EPHA6: variants seen among roughly 807,000 people sequenced by gnomAD.
The protein encoded by EPHA6 is EPH receptor A6.
Under a neutral mutation model 112.0 loss-of-function variants are expected in EPHA6, and 50 were observed. The observed-to-expected ratio is 0.45, with a 90% CI of 0.36 to 0.56. The LOEUF (loss-of-function observed/expected upper bound fraction) is 0.56, where lower values mean the gene tolerates loss of function less well. Among genes scored for constraint, EPHA6 ranks in the 20% least tolerant of loss-of-function variants. The probability of loss-of-function intolerance (pLI) is 0.00; values close to 1 mark genes in which losing one functional copy is unlikely to be tolerated. For missense variants in EPHA6, 1,280 were observed against 1,417.4 expected, an observed-to-expected ratio of 0.90 and a Z score of 1.56; for synonymous variants, 529 against 490.7, an observed-to-expected ratio of 1.08 and a Z score of -1.03.
At position 97,035,259 on chromosome 3, in the gene EPHA6, T is replaced by C. The variant is rs917129162; in HGVS notation, c.1114+47266T>C. Among the ~76,000 whole-genome samples the C allele has an allele frequency of 9.2e-5, 14 of 152,074 alleles. 1 individual carries two copies. The highest frequency in any genetic ancestry group is 8.5e-4 in the Admixed American group (13 of 15,228). On this transcript the variant is annotated intron_variant, in intron 3 of 17. Transcript: ENST00000389672. ...TTATCTAACTCCTCTCAGCTCCCTT[T>C]TCCCCTGTCTTCTTTTTTCTTATGC... is the stretch of plus-strand genomic sequence containing the variant.
At chr3:96,983,477 C>A (rs2042895079) in intron 2 of EPHA6, among the ~76,000 whole-genome samples, 1 of 152,100 alleles carries the variant, frequency 6.6e-6, no homozygotes, top group African/African-American at 2.4e-5. Flanking sequence ...TCTCTGGCTG[C>A]CCTTAACATT....
chr3:97,182,479 G>A (rs1010643363), intron 3 of EPHA6, among the ~76,000 whole-genome samples: 1 of 151,688 alleles, frequency 6.6e-6, no homozygotes, highest in African/African-American at 2.4e-5. Context: ...TTTACAGATT[G>A]GTTCCTTGCA....
intron 1 of EPHA6, among the ~76,000 whole-genome samples, chr3:96,838,228 C>G (rs2034534688): frequency 6.6e-6 from 1 of 152,108 alleles, no homozygotes; most frequent in Non-Finnish European, 1.5e-5. Flanking sequence ...AGTACATTAT[C>G]TCCTTCCTTT....
At chr3:97,311,521 T>G (rs796575980) in intron 5 of EPHA6, among the ~76,000 whole-genome samples, 2 of 151,710 alleles carry the variant, frequency 1.3e-5, no homozygotes, top group African/African-American at 4.8e-5. Context: ...TATGCAGATA[T>G]CAAGTTGCTC....
chr3:96,870,767 C>T (rs188050496), intron 2 of EPHA6, among the ~76,000 whole-genome samples: 45 of 152,098 alleles, frequency 3.0e-4, no homozygotes, highest in East Asian at 5.8e-4. Context: ...TTCCATTAAT[C>T]GGAGCCCATC....
intron 11 of EPHA6, among the ~76,000 whole-genome samples, chr3:97,569,512 T>C (rs1170947465): frequency 1.3e-5 from 2 of 152,172 alleles, no homozygotes; most frequent in African/African-American, 4.8e-5. Flanking sequence ...CTTTGGGAAA[T>C]TATTACTTCT....
At chr3:97,591,066 G>T (rs912724923) in intron 11 of EPHA6, among the ~76,000 whole-genome samples, 51 of 152,244 alleles carry the variant, frequency 3.3e-4, no homozygotes, top group African/African-American at 1.2e-3. Context: ...GTCTCTTAAT[G>T]TTTAAGGGAC....
At chr3:97,715,737 A>T (rs544661055) in intron 14 of EPHA6, among the ~76,000 whole-genome samples, 1 of 152,126 alleles carries the variant, frequency 6.6e-6, no homozygotes, top group South Asian at 2.1e-4. Context: ...ATACAACTCC[A>T]CTCTGGGGAT....
intron 2 of EPHA6, among the ~76,000 whole-genome samples, chr3:96,937,694 C>T (rs964360207): frequency 6.6e-6 from 1 of 152,052 alleles, no homozygotes. Context: ...TGCCTATGTC[C>T]TGAATGGTAT....
intron 3 of EPHA6, among the ~76,000 whole-genome samples, chr3:97,025,337 A>G (rs2044600947): frequency 1.3e-5 from 2 of 152,108 alleles, no homozygotes; most frequent in South Asian, 2.1e-4. Context: ...AGGATTAATG[A>G]AAGAGTTGAG....
At chr3:97,423,783 C>G (rs532397134) in intron 6 of EPHA6, among the ~76,000 whole-genome samples, 1 of 152,262 alleles carries the variant, frequency 6.6e-6, no homozygotes, top group South Asian at 2.1e-4. Context: ...ATAACCAAAA[C>G]AGCATGGTAC....
At position 96,937,260 on chromosome 3, in the gene EPHA6, C is replaced by G. The variant is rs1489305100; in HGVS notation, c.451-50070C>G. Among the ~76,000 whole-genome samples, 5 of 152,292 alleles carry G rather than the reference C, an allele frequency of 3.3e-5. No homozygotes were observed. In the South Asian group the frequency reaches 1.0e-3, roughly 32 times the overall value. On this transcript the variant is annotated intron_variant, in intron 2 of 17. Transcript: ENST00000389672. ...TGTTCCTATTTCTCCACATCCTCTT[C>G]AGCACCTGTTGTTTCCTGACTTTTT...
rs562745355 is a variant in EPHA6 at position 97,560,456 on chromosome 3, T to G, written c.2386+27913T>G. 7 of 152,200 alleles carry G rather than the reference T, an allele frequency of 4.6e-5. No individual in the cohort carries two copies. In the South Asian group the frequency reaches 1.4e-3, roughly 31 times the overall value. The allele number at this position is 152,200 out of a possible 1,614,324, so 9.4% of individuals were successfully genotyped here. On this transcript the variant is annotated intron_variant, in intron 11 of 17. Coordinates refer to ENST00000389672, the MANE Select transcript of EPHA6 (RefSeq NM_001080448.3). ...TGAAACTTAAATACAATTTATAATT[T>G]GGTTCCTCAGGCACACTAGCCACAT...
chr3:97,056,461 G>A (rs1365196431), intron 3 of EPHA6, among the ~76,000 whole-genome samples: 1 of 152,134 alleles, frequency 6.6e-6, no homozygotes, highest in Non-Finnish European at 1.5e-5. Context: ...CAAGAGAAGG[G>A]AGGAAATTGG....
intron 3 of EPHA6, among the ~76,000 whole-genome samples, chr3:97,153,986 C>T (rs770983102): frequency 6.6e-6 from 1 of 151,724 alleles, no homozygotes; most frequent in Non-Finnish European, 1.5e-5. Flanking sequence ...CCCAACATGG[C>T]GAAATCCCAT....
intron 9 of EPHA6, among the ~76,000 whole-genome samples, chr3:97,480,830 C>G (rs1209051228): frequency 6.6e-6 from 1 of 152,064 alleles, no homozygotes; most frequent in Non-Finnish European, 1.5e-5. Flanking sequence ...GGACTCCTCA[C>G]TTCTCAGATG....
rs1363260170 is a variant in EPHA6, at chr3:97,754,342, C to T, written c.*5641C>T. Among the ~76,000 whole-genome samples the T allele has an allele frequency of 2.0e-5, 3 of 152,196 alleles. No homozygotes were observed. The highest frequency in any genetic ancestry group is 7.2e-5 in the African/African-American group (3 of 41,462). On this transcript the variant is annotated 3_prime_UTR_variant, in exon 18 of 18. Coordinates refer to ENST00000389672, the MANE Select transcript of EPHA6 (RefSeq NM_001080448.3). The stretch of plus-strand genomic sequence containing the variant: ...ACCTCAGGTGATCTGCCCGCCTCAG[C>T]CTCCCAAAGTGCTGGGATTACAGGC...
chr3:97,145,906 TA>T (rs372228098), intron 3 of EPHA6, among the ~76,000 whole-genome samples: 232 of 151,742 alleles, frequency 1.5e-3, no homozygotes, highest in African/African-American at 5.0e-3. Flanking sequence ...GTCGCCAAAG[TA>T]TCTAGTATTC....
chr3:97,466,532 T>C lies in EPHA6; in HGVS notation c.1895-8820T>C, dbSNP rs964878282. 4 of 809,662 alleles carry C rather than the reference T, an allele frequency of 4.9e-6. No homozygotes were observed. The Admixed American group carries it at 5.3e-5, about 11-fold the overall frequency. The allele number at this position is 809,662 out of a possible 1,614,324, so 50.2% of individuals were successfully genotyped here. The stretch of plus-strand genomic sequence containing the variant: ...TGTGAGGGTCGGGCCAAATCCAGGC[T>C]CTCCAATGATGTCTTCAGTGATGTC... On this transcript the variant is annotated intron_variant, in intron 7 of 17. Coordinates refer to ENST00000389672, the MANE Select transcript of EPHA6 (RefSeq NM_001080448.3).
Sources: allele counts gnomAD v4.1 joint callset (sites outside exome capture counted in the v4.1 genomes callset), GRCh38; gene constraint gnomAD v4.1.1; transcripts MANE v1.5; gene names NCBI Gene and HGNC (gene_info 2026-07-23, HGNC 2026-07-21).